NOL6: variants seen among roughly 807,000 people sequenced by gnomAD.
The protein encoded by NOL6 is nucleolar protein 6.
Under a neutral mutation model 131.7 loss-of-function variants are expected in NOL6, and 33 were observed. The observed-to-expected ratio is 0.25, with a 90% CI of 0.19 to 0.33. The LOEUF is 0.33. Ranked by LOEUF, NOL6 falls within the 10% of genes least tolerant of loss-of-function variation. The probability of loss-of-function intolerance (pLI) is 1.00; values close to 1 mark genes in which losing one functional copy is unlikely to be tolerated. For synonymous variants in NOL6, 580 were observed against 605.7 expected, an observed-to-expected ratio of 0.96 and a Z score of 0.62; for missense variants, 1,297 against 1,494.5, an observed-to-expected ratio of 0.87 and a Z score of 2.18.
At chr9:33,466,257 T>C (rs1009265079) in intron 17 of NOL6, 32 bp from the exon 18 acceptor site, 37 of 1,612,598 alleles carry the variant, frequency 2.3e-5, no homozygotes, top group Non-Finnish European at 3.1e-5. Context: ...TCTCATACTG[T>C]GGCCTGGAGC....
intron 11 of NOL6, 21 bp downstream of exon 11, chr9:33,468,009 C>T (rs373401602): frequency 5.2e-5 from 84 of 1,613,986 alleles, no homozygotes; most frequent in Non-Finnish European, 6.3e-5. Context: ...CGCCAACATA[C>T]CCTGTCACCC....
rs777486947 is a variant in NOL6 at position 33,466,102 on chromosome 9, C to T, written c.2333G>A (p.Arg778His). 50 of 1,604,406 alleles carry T rather than the reference C, an allele frequency of 3.1e-5. No individual in the cohort carries two copies. The South Asian group carries it at 5.2e-4, about 17-fold the overall frequency. ...GACATCCGTGTGCGTGGCAGTGGCA[C>T]GGCACTGCAGACCATGCTGTTGTGT... ...LLTQQHGLQC[R>H]ATATHTDVLK... The change falls in exon 18 of 26, where the codon CGT becomes CAT. Residue 778 changes from arginine to histidine, a missense_variant. Transcript: ENST00000297990.
At chr9:33,463,766 G>GA in intron 23 of NOL6, 65 bp downstream of exon 23, 1 of 1,540,274 alleles carries the variant, frequency 6.5e-7, no homozygotes, top group Non-Finnish European at 8.9e-7. Context: ...TGAGATCCCT[G>GA]AACGCTGAAC....
Position 33,466,434 on chromosome 9 carries a change from G to A in NOL6, c.2092-9C>T. ...GGAGTTGGTGGGAACACCTGTGGAAGAAGAGGGGCTGAGGAATGGGCCTAG... is the reference window on the plus strand; with the variant it reads ...GGAGTTGGTGGGAACACCTGTGGAAAAAGAGGGGCTGAGGAATGGGCCTAG... On this transcript the variant is annotated splice_polypyrimidine_tract_variant and intron_variant, in intron 16 of 25. Transcript: ENST00000297990. 2 of 1,614,086 alleles carry A rather than the reference G, an allele frequency of 1.2e-6. No individual in the cohort carries two copies. Among genetic ancestry groups the A allele is most frequent in the South Asian group, 2.2e-5 (2 of 91,080 alleles).
rs527640275 is a variant in NOL6, at chr9:33,463,285, C to A, written c.3151G>T (p.Gly1051Cys). 1 of 1,614,060 alleles carries A rather than the reference C, an allele frequency of 6.2e-7. No individual in the cohort carries two copies. Among genetic ancestry groups the A allele is most frequent in the African/African-American group, 1.3e-5 (1 of 75,036 alleles). Reference protein sequence around the residue: ...PGPSSLMPVLGYDPPQLYLTQ... With the variant: ...PGPSSLMPVLCYDPPQLYLTQ... ...AGATAGAGCTGAGGAGGATCATAGC[C>A]CAGCACGGGCATCAGGGATGAGGGC... Residue 1051 changes from glycine (G) to cysteine (C), a missense_variant, in exon 24 of 26, where the codon GGC becomes TGC. Transcript: ENST00000297990.
At position 33,465,774 on chromosome 9, in the gene NOL6, C is replaced by G; in HGVS notation, c.2488G>C (p.Asp830His). Residue 830 changes from aspartate (D) to histidine (H), a missense_variant, in exon 19 of 26, where the codon GAC becomes CAC. Asp to His is a moderately conservative substitution (Grantham distance 81). Transcript: ENST00000297990. ...DTAASLRLER[D>H]TRQLPLLTSA... is the part of the protein sequence containing the mutation. ...GTGAGCAGTGGCAACTGCCTTGTGT[C>G]TCTCTCAAGGCGGAGGGAGGCAGCT... 6.2e-7 allele frequency: 1 copy of G among 1,613,612 alleles called. No individual in the cohort carries two copies. Among genetic ancestry groups the G allele is most frequent in the Non-Finnish European group, 8.5e-7 (1 of 1,179,806 alleles).
intron 21 of NOL6, among the ~76,000 whole-genome samples, chr9:33,464,652 C>G (rs917564261): frequency 2.6e-5 from 4 of 152,124 alleles, no homozygotes; most frequent in Non-Finnish European, 5.9e-5. Flanking sequence ...CCTTCCACAG[C>G]CCCCCGCCAG....
In NOL6 at chr9:33,467,107, C is replaced by A; in HGVS notation, c.1874+7G>T. The A allele has an allele frequency of 1.2e-6, 2 of 1,614,088 alleles. No homozygotes were observed. Among genetic ancestry groups the A allele is most frequent in the South Asian group, 1.1e-5 (1 of 91,092 alleles). On this transcript the variant is annotated splice_region_variant and intron_variant, in intron 14 of 25. Coordinates refer to ENST00000297990, the MANE Select transcript of NOL6 (RefSeq NM_022917.5). This position sits in a 1 kb window ranked among gnomAD's most constrained non-coding sequence, Gnocchi z 4.4. ...CTGCCTTCTGGAATCCAGATGCCAACACTCACAGTGCCAAGAGGTGGGTGA... is the reference window on the plus strand; with the variant it reads ...CTGCCTTCTGGAATCCAGATGCCAAAACTCACAGTGCCAAGAGGTGGGTGA...
chr9:33,465,416 C>T (rs1827213506), intron 19 of NOL6, 57 bp from the exon 20 acceptor site: 1 of 1,524,808 alleles, frequency 6.6e-7, no homozygotes, highest in Non-Finnish European at 8.8e-7. Context: ...ACTGTTCATC[C>T]AGCCCCTACC....
In NOL6 at chr9:33,472,595, C is replaced by T. The variant is rs117553293; in HGVS notation, c.55-183G>A. The T allele has an allele frequency of 2.4e-3, 1,478 of 610,144 alleles. 1 individual carries two copies. The highest frequency in any genetic ancestry group is 3.6e-3 in the Non-Finnish European group (1,253 of 344,382). The allele number at this position is 610,144 out of a possible 1,614,324, so 37.8% of individuals were successfully genotyped here. On this transcript the variant is annotated intron_variant, in intron 1 of 25. Transcript: ENST00000297990. ...GGATGAACATCACTGAGCGCTGAGC[C>T]GAAAATTCCTTGAGTTAAGAGCTCT...
chr9:33,466,841 A>G (rs1338812106), intron 15 of NOL6, 71 bp downstream of exon 15: 2 of 1,564,978 alleles, frequency 1.3e-6, no homozygotes, highest in Non-Finnish European at 1.7e-6. Context: ...CAAGCTGGCC[A>G]AGGCTGAGAG....
intron 20 of NOL6, 93 bp from the exon 21 acceptor site, chr9:33,465,069 TGGCAG>T: frequency 6.9e-7 from 1 of 1,444,850 alleles, no homozygotes; most frequent in Non-Finnish European, 9.6e-7. Flanking sequence ...TGGTGTGGAT[TGGCAG>T]GGCAGGGCAT....
intron 18 of NOL6, 49 bp from the exon 19 acceptor site, chr9:33,465,946 C>A: frequency 6.3e-7 from 1 of 1,595,036 alleles, no homozygotes; most frequent in South Asian, 1.1e-5. Flanking sequence ...CCCAGAACCC[C>A]GGGAGTACTC....
intron 18 of NOL6, 58 bp from the exon 19 acceptor site, chr9:33,465,955 T>C: frequency 6.3e-7 from 1 of 1,589,690 alleles, no homozygotes; most frequent in South Asian, 1.1e-5. Context: ...CCGGGAGTAC[T>C]CTGTGGCCTA....
chr9:33,466,503 T>C (rs994580497), intron 16 of NOL6, 66 bp downstream of exon 16: 10 of 1,612,002 alleles, frequency 6.2e-6, no homozygotes, highest in African/African-American at 4.0e-5. Flanking sequence ...AAGTGGGGAA[T>C]ACTGGGTGAC....
intron 3 of NOL6, among the ~76,000 whole-genome samples, chr9:33,471,513 C>T (rs1296584811): frequency 6.6e-6 from 1 of 152,154 alleles, no homozygotes; most frequent in Non-Finnish European, 1.5e-5. Context: ...CTGGCTGTTC[C>T]CCCTTCCTGG....
At chr9:33,473,678 T>G in intron 1 of NOL6, 111 bp downstream of exon 1, 1 of 1,273,844 alleles carries the variant, frequency 7.9e-7, no homozygotes, top group East Asian at 2.4e-5. Flanking sequence ...TCCTCCAGAA[T>G]GGGCCGCCGG....
chr9:33,468,293 G>A (rs375185397), intron 10 of NOL6, 28 bp downstream of exon 10: 1 of 1,611,672 alleles, frequency 6.2e-7, no homozygotes, highest in South Asian at 1.1e-5. Context: ...AGACATCAGG[G>A]GAACACAGAT....
intron 4 of NOL6, 109 bp from the exon 5 acceptor site, chr9:33,469,776 G>A (rs1827357348): frequency 2.9e-6 from 4 of 1,372,822 alleles, no homozygotes; most frequent in Non-Finnish European, 2.0e-6. Context: ...TGACAGAAGT[G>A]CCTGAGCCAC....
Sources: allele counts gnomAD v4.1 joint callset (sites outside exome capture counted in the v4.1 genomes callset), GRCh38; gene constraint gnomAD v4.1.1; non-coding constraint Gnocchi (gnomAD v3.1); transcripts MANE v1.5; gene names NCBI Gene and HGNC (gene_info 2026-07-23, HGNC 2026-07-21).